The following KCNIP4 variants were observed in gnomAD, a reference collection of about 807,000 sequenced individuals.
KCNIP4 encodes the protein Kv channel-interacting protein 4.
A neutral mutation model predicts 34.0 loss-of-function variants in KCNIP4; 12 were observed. That is an observed-to-expected ratio of 0.35 (90% CI 0.23 to 0.57). The LOEUF (loss-of-function observed/expected upper bound fraction) is 0.57. KCNIP4 is among the 20% of genes least tolerant of loss of function. The pLI is 0.83. For missense variants in KCNIP4, 238 were observed against 311.7 expected (o/e 0.76, Z 1.78); for synonymous variants, 124 against 102.2 (o/e 1.21, Z -1.29).
intron 1 of KCNIP4, chr4:20,983,732 A>T: frequency 8.7e-7 from 1 of 1,146,332 alleles, no homozygotes; most frequent in Non-Finnish European, 1.2e-6. Context: ...TTTGAGTATT[A>T]AGGCTTCTTA....
intron 3 of KCNIP4, among the ~76,000 whole-genome samples, chr4:20,826,601 C>CAA (rs1460839928): frequency 2.6e-5 from 4 of 151,564 alleles, no homozygotes; most frequent in Non-Finnish European, 5.9e-5. Flanking sequence ...AACAAACAAA[C>CAA]AAACAAACAA....
intron 1 of KCNIP4, among the ~76,000 whole-genome samples, chr4:21,334,561 A>G (rs1384800116): frequency 6.6e-6 from 1 of 152,034 alleles, no homozygotes; most frequent in Non-Finnish European, 1.5e-5. Flanking sequence ...TAAGTGTACA[A>G]CTGAATGATT....
intron 1 of KCNIP4, among the ~76,000 whole-genome samples, chr4:21,728,475 T>G (rs1041291428): frequency 2.6e-5 from 4 of 152,200 alleles, no homozygotes; most frequent in African/African-American, 9.6e-5. Flanking sequence ...GCCTCTTCAC[T>G]AGGTGTCTGC....
At chr4:20,941,491 C>A (rs559204826) in intron 1 of KCNIP4, among the ~76,000 whole-genome samples, 1 of 151,986 alleles carries the variant, frequency 6.6e-6, no homozygotes, top group Non-Finnish European at 1.5e-5. Context: ...GCCAAAGGAA[C>A]GGAGAAAGAA....
At chr4:21,687,344 G>A (rs1298454523) in intron 1 of KCNIP4, among the ~76,000 whole-genome samples, 1 of 151,080 alleles carries the variant, frequency 6.6e-6, no homozygotes, top group Admixed American at 6.6e-5. Context: ...AAGTGATTAG[G>A]AAGTCACAAT....
chr4:21,906,932 TATA>T (rs1728038477), intron 1 of KCNIP4, among the ~76,000 whole-genome samples: 1 of 152,232 alleles, frequency 6.6e-6, no homozygotes, highest in African/African-American at 2.4e-5. Context: ...TCTAGCTCAC[TATA>T]ATATTTTTAA....
intron 3 of KCNIP4, among the ~76,000 whole-genome samples, chr4:20,804,429 C>T (rs777734074): frequency 5.9e-5 from 9 of 152,132 alleles, no homozygotes; most frequent in Non-Finnish European, 1.2e-4. Flanking sequence ...AGGTCATAGG[C>T]TGAATTTCCT....
At chr4:20,746,252 C>T (rs1289008609) in intron 5 of KCNIP4, among the ~76,000 whole-genome samples, 2 of 152,104 alleles carry the variant, frequency 1.3e-5, no homozygotes, top group Non-Finnish European at 2.9e-5. Flanking sequence ...AACCGTCATT[C>T]TCAGCAAACT....
chr4:21,907,104 C>A (rs1285503725), intron 1 of KCNIP4, among the ~76,000 whole-genome samples: 1 of 152,062 alleles, frequency 6.6e-6, no homozygotes, highest in Non-Finnish European at 1.5e-5. Context: ...CCACAATTCA[C>A]GTGCTGGAAA....
At chr4:21,500,742 G>A (rs1408775148) in intron 1 of KCNIP4, among the ~76,000 whole-genome samples, 1 of 152,120 alleles carries the variant, frequency 6.6e-6, no homozygotes, top group Non-Finnish European at 1.5e-5. Flanking sequence ...CATATGAGCT[G>A]ATTATTTAGA....
chr4:21,352,050 T>C (rs1280988344), intron 1 of KCNIP4, among the ~76,000 whole-genome samples: 1 of 152,146 alleles, frequency 6.6e-6, no homozygotes, highest in Non-Finnish European at 1.5e-5. Flanking sequence ...ATAAACTGCT[T>C]GAAGCATGAC....
At chr4:21,872,021 G>A (rs1725851739) in intron 1 of KCNIP4, among the ~76,000 whole-genome samples, 1 of 151,508 alleles carries the variant, frequency 6.6e-6, no homozygotes, top group Non-Finnish European at 1.5e-5. Context: ...TTTTTAACAC[G>A]GAGAAAGAAA....
rs1735103711 is a variant in KCNIP4, at chr4:21,519,418, A to ATATATACATATGTGTGTATATGTATGTG, written c.61+429152_61+429153insCACATACATATACACACATATGTATATA. Among the ~76,000 whole-genome samples, 29 of 103,136 alleles carry ATATATACATATGTGTGTATATGTATGTG rather than the reference A, an allele frequency of 2.8e-4. 1 individual carries two copies. The highest frequency in any genetic ancestry group is 4.3e-4 in the Non-Finnish European group (19 of 44,510). 67.7% of individuals were successfully genotyped at this position (103,136 alleles called of 152,430 possible). A position where few individuals can be genotyped will look rare whatever the true frequency, so the allele number is the denominator to read the frequency against. ...TACATATGTGTGTATATGTATGTGT[A>ATATATACATATGTGTGTATATGTATGTG]TATATACACATATGTGTGTATATGT... On this transcript the variant is annotated intron_variant, in intron 1 of 8. Transcript: ENST00000382152.
At chr4:21,141,778 A>C (rs1431999648) in intron 1 of KCNIP4, among the ~76,000 whole-genome samples, 2 of 152,120 alleles carry the variant, frequency 1.3e-5, no homozygotes, top group African/African-American at 4.8e-5. Flanking sequence ...ATCTCTTTTT[A>C]GGGCATTACA....
intron 1 of KCNIP4, among the ~76,000 whole-genome samples, chr4:21,283,021 TG>T (rs1762877524): frequency 6.6e-6 from 1 of 152,206 alleles, no homozygotes; most frequent in Non-Finnish European, 1.5e-5. Flanking sequence ...ATTACTCACA[TG>T]TGCTACTACA....
intron 1 of KCNIP4, among the ~76,000 whole-genome samples, chr4:21,731,242 T>G (rs1715575323): frequency 6.6e-6 from 1 of 152,128 alleles, no homozygotes; most frequent in South Asian, 2.1e-4. Flanking sequence ...GGTAGAAATC[T>G]TCTTTCTCAT....
intron 1 of KCNIP4, among the ~76,000 whole-genome samples, chr4:21,018,497 A>G (rs1207831803): frequency 6.6e-6 from 1 of 152,094 alleles, no homozygotes; most frequent in Non-Finnish European, 1.5e-5. Flanking sequence ...CTTTCAACCA[A>G]TGACTGAACC....
intron 1 of KCNIP4, among the ~76,000 whole-genome samples, chr4:21,655,277 T>C (rs928366429): frequency 2.0e-5 from 3 of 152,080 alleles, no homozygotes; most frequent in Admixed American, 1.3e-4. Flanking sequence ...AGGAGATGGC[T>C]ACTTAATAGA....
At chr4:21,572,486 C>T (rs1740435075) in intron 1 of KCNIP4, among the ~76,000 whole-genome samples, 1 of 152,100 alleles carries the variant, frequency 6.6e-6, no homozygotes, top group South Asian at 2.1e-4. Context: ...CCAATTTGGT[C>T]AAAAGGGACC....
Sources: allele counts gnomAD v4.1 joint callset (sites outside exome capture counted in the v4.1 genomes callset), GRCh38; gene constraint gnomAD v4.1.1; transcripts MANE v1.5; gene names NCBI Gene and HGNC (gene_info 2026-07-23, HGNC 2026-07-21).